DENND4C: variants seen among roughly 807,000 people sequenced by gnomAD.
DENND4C encodes the protein DENN domain containing 4C.
A neutral mutation model predicts 203.0 loss-of-function variants in DENND4C; 108 were observed. The observed-to-expected ratio is 0.53, with a 90% CI of 0.46 to 0.62. DENND4C has a LOEUF of 0.62. Among genes scored for constraint, DENND4C ranks in the 20% least tolerant of loss-of-function variants. The pLI is 0.00. For synonymous variants in DENND4C, 871 were observed against 792.4 expected (o/e 1.10, Z -1.67); for missense variants, 2,481 against 2,301.2 (o/e 1.08, Z -1.60).
At chr9:19,288,797 T>C in intron 4 of DENND4C, 132 bp downstream of exon 4, 3 of 452,692 alleles carry the variant, frequency 6.6e-6, no homozygotes, top group Non-Finnish European at 1.1e-5. Flanking sequence ...ATCTATAATT[T>C]TAGCATATAA....
intron 1 of DENND4C, among the ~76,000 whole-genome samples, chr9:19,254,465 G>A (rs1266083420): frequency 6.6e-6 from 1 of 152,310 alleles, no homozygotes; most frequent in East Asian, 1.9e-4. Context: ...GAGATATTAT[G>A]CTAAGTGAAA....
intron 4 of DENND4C, 97 bp downstream of exon 4, chr9:19,288,762 G>A (rs1313299156): frequency 5.2e-6 from 3 of 572,712 alleles, no homozygotes; most frequent in African/African-American, 3.9e-5. Flanking sequence ...TACATAGTTT[G>A]TAGAATTGAT....
At chr9:19,323,640 T>C (rs565625701) in intron 12 of DENND4C, among the ~76,000 whole-genome samples, 1 of 152,286 alleles carries the variant, frequency 6.6e-6, no homozygotes, top group Non-Finnish European at 1.5e-5. Flanking sequence ...CTTGAAACTT[T>C]AATGAGCAGA....
chr9:19,240,663 C>G (rs1201437978), intron 1 of DENND4C, among the ~76,000 whole-genome samples: 1 of 80,328 alleles, frequency 1.2e-5, no homozygotes, highest in African/African-American at 4.2e-5. Context: ...GAGATTTCAT[C>G]TCAAAAAACA....
chr9:19,328,434 G>A (rs1031865504), intron 16 of DENND4C, among the ~76,000 whole-genome samples: 18 of 152,064 alleles, frequency 1.2e-4, no homozygotes, highest in Non-Finnish European at 1.8e-4. Context: ...CCAACATGGT[G>A]AAACCCCATC....
At chr9:19,331,207 CTT>C (rs750304776) in intron 16 of DENND4C, among the ~76,000 whole-genome samples, 40 of 141,710 alleles carry the variant, frequency 2.8e-4, no homozygotes, top group African/African-American at 3.3e-4. Context: ...GGAATAGGTC[CTT>C]TTTTTTTTTT....
At chr9:19,234,207 A>G (rs1821289950) in intron 1 of DENND4C, among the ~76,000 whole-genome samples, 1 of 151,452 alleles carries the variant, frequency 6.6e-6, no homozygotes, top group East Asian at 1.9e-4. Context: ...TAGTAATTCC[A>G]CTTTCTTACT....
intron 6 of DENND4C, among the ~76,000 whole-genome samples, chr9:19,296,614 A>G (rs969931829): frequency 1.3e-5 from 2 of 152,052 alleles, no homozygotes; most frequent in Non-Finnish European, 2.9e-5. Flanking sequence ...CAGCCTCCCA[A>G]AGTGCTGGGA....
chr9:19,346,527 T>C lies in DENND4C; in HGVS notation c.3758T>C (p.Leu1253Ser). 6.2e-6 allele frequency: 10 copies of C among 1,614,162 alleles called. No homozygotes were observed. The highest frequency in any genetic ancestry group is 8.5e-6 in the Non-Finnish European group (10 of 1,180,028). ...GATGTTGAAACTGGACTAGATCCTT[T>C]GTCTCTTTTAGCCACTGAATGTACA... The part of the protein sequence containing the change: ...REDVETGLDP[L>S]SLLATECTGG... Residue 1253 changes from leucine (L) to serine (S), a missense_variant, in exon 23 of 33, where the codon TTG becomes TCG. Leu to Ser is a moderately radical substitution (Grantham distance 145, BLOSUM62 -2). Transcript: ENST00000434457.
intron 1 of DENND4C, among the ~76,000 whole-genome samples, chr9:19,237,265 C>T (rs1822205490): frequency 6.6e-6 from 1 of 151,950 alleles, no homozygotes; most frequent in Non-Finnish European, 1.5e-5. Context: ...GTGATCCGCC[C>T]ACCTTGGCCT....
chr9:19,334,086 C>G (rs924467576), intron 17 of DENND4C, among the ~76,000 whole-genome samples: 2 of 152,144 alleles, frequency 1.3e-5, no homozygotes, highest in East Asian at 1.9e-4. Context: ...CTCTTTTCCT[C>G]CAGGCTAGCA....
At chr9:19,330,068 A>C (rs1277269511) in intron 16 of DENND4C, among the ~76,000 whole-genome samples, 1 of 152,204 alleles carries the variant, frequency 6.6e-6, no homozygotes, top group East Asian at 1.9e-4. Context: ...AATTTCATAC[A>C]GTTCATATTT....
At chr9:19,270,724 C>T (rs1012940345) in intron 1 of DENND4C, among the ~76,000 whole-genome samples, 5 of 151,598 alleles carry the variant, frequency 3.3e-5, no homozygotes, top group Admixed American at 6.6e-5. Context: ...AACAGTGTAC[C>T]GGATGTTCTA....
At chr9:19,257,533 G>A (rs73425064) in intron 1 of DENND4C, among the ~76,000 whole-genome samples, 4,502 of 152,016 alleles carry the variant, frequency 0.03, 216 homozygotes, top group African/African-American at 0.1. Context: ...TACATAAGCA[G>A]AGAAAAGAAA....
chr9:19,340,052 T>C (rs1401943838), intron 20 of DENND4C, among the ~76,000 whole-genome samples: 1 of 152,208 alleles, frequency 6.6e-6, no homozygotes, highest in African/African-American at 2.4e-5. Flanking sequence ...CACAACAGAA[T>C]GTTCTAGCTC....
chr9:19,346,110 A>G lies in DENND4C; in HGVS notation c.3341A>G (p.Asn1114Ser). ...CTTAAGAAGAGTAGTTTGGATTCGA[A>G]TTCAAGTGAAATGGCTATCATGATG... Reference protein sequence around the residue: ...MLLKKSSLDSNSSEMAIMMGA... With the variant: ...MLLKKSSLDSSSSEMAIMMGA... The change falls in exon 23 of 33, where the codon AAT becomes AGT. Residue 1114 changes from asparagine to serine, a missense_variant. By Grantham distance (46) the Asn-to-Ser change is conservative. Coordinates refer to ENST00000434457, the MANE Select transcript of DENND4C (RefSeq NM_001330640.2). 1 of 1,614,230 alleles carries G rather than the reference A, an allele frequency of 6.2e-7. No homozygotes were observed. The highest frequency in any genetic ancestry group is 8.5e-7 in the Non-Finnish European group (1 of 1,180,038).
At chr9:19,238,160 G>A (rs374468988) in intron 1 of DENND4C, among the ~76,000 whole-genome samples, 55 of 150,376 alleles carry the variant, frequency 3.7e-4, no homozygotes, top group African/African-American at 1.2e-3. Context: ...TCAGCTCACC[G>A]CAACCTGTGC....
rs116062799 is a variant in DENND4C at position 19,362,616 on chromosome 9, G to A, written c.5524+653G>A. On this transcript the variant is annotated intron_variant, in intron 30 of 32. Coordinates refer to ENST00000434457, the MANE Select transcript of DENND4C (RefSeq NM_001330640.2). Reference sequence around the variant, plus strand: ...TACTGACCTGTTTTTTAATTGTGACGGGTCTCAACTGAGTTGAGTAATTTT... The same window carrying A: ...TACTGACCTGTTTTTTAATTGTGACAGGTCTCAACTGAGTTGAGTAATTTT... Among the ~76,000 whole-genome samples, 1,169 of 152,040 alleles carry A rather than the reference G, an allele frequency of 7.7e-3. 20 individuals are homozygous for A. The highest frequency in any genetic ancestry group is 0.027 in the African/African-American group (1,125 of 41,450).
intron 1 of DENND4C, among the ~76,000 whole-genome samples, chr9:19,268,359 C>T (rs1178689561): frequency 6.6e-6 from 1 of 152,164 alleles, no homozygotes; most frequent in African/African-American, 2.4e-5. Context: ...CCCCACCTCC[C>T]AGAGTTCTGG....
Sources: allele counts gnomAD v4.1 joint callset (sites outside exome capture counted in the v4.1 genomes callset), GRCh38; gene constraint gnomAD v4.1.1; transcripts MANE v1.5; gene names NCBI Gene and HGNC (gene_info 2026-07-23, HGNC 2026-07-21).